Variants in SLC35F4 observed in about 807,000 individuals in gnomAD.
SLC35F4 encodes chromosome 14 open reading frame 36.
In SLC35F4, 24 loss-of-function variants were observed where a neutral mutation model predicts 44.2. The ratio of observed to expected loss-of-function variants is 0.54; its 90% confidence interval spans 0.39 to 0.76. SLC35F4 has a LOEUF of 0.76. Among genes scored for constraint, SLC35F4 ranks in the 30% least tolerant of loss-of-function variants. The pLI is 0.00. For missense variants in SLC35F4, 562 were observed against 586.1 expected, an observed-to-expected ratio of 0.96 and a Z score of 0.42; for synonymous variants, 238 against 223.6, an observed-to-expected ratio of 1.06 and a Z score of -0.57.
intron 1 of SLC35F4, among the ~76,000 whole-genome samples, chr14:57,787,016 G>A (rs570549946): frequency 7.9e-5 from 12 of 152,234 alleles, no homozygotes; most frequent in East Asian, 5.8e-4. Flanking sequence ...TCCAAAAAAC[G>A]ATACAAGAAG....
chr14:57,917,986 T>C (rs924917208), intron 1 of SLC35F4, among the ~76,000 whole-genome samples: 1 of 152,138 alleles, frequency 6.6e-6, no homozygotes, highest in Non-Finnish European at 1.5e-5. Context: ...TCTTCCCCTA[T>C]GTGGAAGTCT....
At chr14:57,883,026 G>C (rs10133467) in intron 1 of SLC35F4, among the ~76,000 whole-genome samples, 1 of 145,582 alleles carries the variant, frequency 6.9e-6, no homozygotes, top group African/African-American at 2.7e-5. Context: ...AGGAGAGGAG[G>C]GGAGGGGAGA....
At chr14:57,849,825 A>C (rs1886396892) in intron 1 of SLC35F4, among the ~76,000 whole-genome samples, 2 of 152,220 alleles carry the variant, frequency 1.3e-5, no homozygotes, top group African/African-American at 4.8e-5. Flanking sequence ...CAATATAAGC[A>C]GAGCTTTCTT....
At chr14:57,882,589 G>A (rs942894402) in intron 1 of SLC35F4, among the ~76,000 whole-genome samples, 1 of 152,072 alleles carries the variant, frequency 6.6e-6, no homozygotes, top group Non-Finnish European at 1.5e-5. Flanking sequence ...AGCATTATCA[G>A]GCCTAGACTT....
At chr14:57,964,837 G>A (rs1890404890) in intron 1 of SLC35F4, among the ~76,000 whole-genome samples, 1 of 151,890 alleles carries the variant, frequency 6.6e-6, no homozygotes, top group African/African-American at 2.4e-5. Flanking sequence ...GAAGATTACA[G>A]TTACTGTTTT....
chr14:57,963,920 G>A (rs556715874), intron 1 of SLC35F4, among the ~76,000 whole-genome samples: 7 of 151,718 alleles, frequency 4.6e-5, no homozygotes, highest in African/African-American at 1.2e-4. Context: ...ATGGGGTCTC[G>A]TCATCTTGCC....
chr14:57,681,614 C>T (rs1757247468), intron 1 of SLC35F4, among the ~76,000 whole-genome samples: 1 of 152,042 alleles, frequency 6.6e-6, no homozygotes, highest in Non-Finnish European at 1.5e-5. Flanking sequence ...ATGACTAAAA[C>T]ACCAAAAGCA....
At chr14:57,926,421 G>C (rs1392067172) in intron 1 of SLC35F4, among the ~76,000 whole-genome samples, 1 of 152,048 alleles carries the variant, frequency 6.6e-6, no homozygotes. Flanking sequence ...ACACAGTCAC[G>C]CAAACACATT....
chr14:57,823,918 C>T (rs185275541), intron 1 of SLC35F4, among the ~76,000 whole-genome samples: 2 of 152,226 alleles, frequency 1.3e-5, no homozygotes, highest in East Asian at 3.9e-4. Flanking sequence ...ATATCATTAA[C>T]AACTTTGTTT....
chr14:57,722,229 G>A (rs999284483), intron 1 of SLC35F4, among the ~76,000 whole-genome samples: 1 of 152,170 alleles, frequency 6.6e-6, no homozygotes, highest in African/African-American at 2.4e-5. Flanking sequence ...GCAGCTCAGG[G>A]AGTTAAAAAA....
At chr14:57,757,784 A>G (rs953321516) in intron 1 of SLC35F4, among the ~76,000 whole-genome samples, 14 of 152,194 alleles carry the variant, frequency 9.2e-5, no homozygotes, top group African/African-American at 2.4e-4. Flanking sequence ...TACTTAAAAC[A>G]TAAGAAACAT....
chr14:57,932,716 G>A (rs528514191), intron 1 of SLC35F4, among the ~76,000 whole-genome samples: 1 of 152,190 alleles, frequency 6.6e-6, no homozygotes, highest in South Asian at 2.1e-4. Flanking sequence ...GAGCATGGTG[G>A]CAGGCTCCTG....
intron 2 of SLC35F4, among the ~76,000 whole-genome samples, chr14:57,590,267 C>T (rs1483379795): frequency 6.7e-6 from 1 of 148,664 alleles, no homozygotes; most frequent in African/African-American, 2.4e-5. Flanking sequence ...GTGGCATATA[C>T]CTTTAGTCCC....
chr14:57,676,110 AGC>A (rs2074683932), intron 1 of SLC35F4, among the ~76,000 whole-genome samples: 1 of 152,112 alleles, frequency 6.6e-6, no homozygotes, highest in South Asian at 2.1e-4. Context: ...AACTCAAATC[AGC>A]AAGAGAAAAA....
chr14:57,586,918 A>C (rs1307655), intron 3 of SLC35F4, among the ~76,000 whole-genome samples: 45,146 of 149,126 alleles, frequency 0.3, 7,361 homozygotes, highest in East Asian at 0.65. Context: ...ACAAAGGGCT[A>C]ATAGCCAGAA....
intron 1 of SLC35F4, among the ~76,000 whole-genome samples, chr14:57,918,707 C>T (rs988817102): frequency 7.2e-5 from 11 of 152,312 alleles, no homozygotes; most frequent in Non-Finnish European, 1.6e-4. Context: ...TTGACCCACA[C>T]CTGCTGCTGA....
chr14:57,646,083 T>C (rs2073494863), intron 1 of SLC35F4, among the ~76,000 whole-genome samples: 2 of 152,196 alleles, frequency 1.3e-5, no homozygotes, highest in Admixed American at 1.3e-4. Context: ...CCTAAAATTA[T>C]CTTTTTTTGT....
chr14:57,723,739 T>C (rs577897165), intron 1 of SLC35F4, among the ~76,000 whole-genome samples: 1 of 152,334 alleles, frequency 6.6e-6, no homozygotes, highest in Admixed American at 6.5e-5. Flanking sequence ...ATATCAACTC[T>C]CCATCTTTGT....
At chr14:57,611,585 T>TAAAAA (rs10647941) in intron 1 of SLC35F4, among the ~76,000 whole-genome samples, 2 of 127,048 alleles carry the variant, frequency 1.6e-5, no homozygotes, top group African/African-American at 2.7e-5. Context: ...AGAGAAGAGT[T>TAAAAA]AAAAAAAAAA....
Sources: allele counts gnomAD v4.1 joint callset (sites outside exome capture counted in the v4.1 genomes callset), GRCh38; gene constraint gnomAD v4.1.1; transcripts MANE v1.5; gene names NCBI Gene and HGNC (gene_info 2026-07-23, HGNC 2026-07-21).